EPHB1: variants seen among roughly 807,000 people sequenced by gnomAD.
The protein encoded by EPHB1 is EPH receptor B1.
A neutral mutation model predicts 94.4 loss-of-function variants in EPHB1; 30 were observed. The ratio of observed to expected loss-of-function variants is 0.32; its 90% CI spans 0.24 to 0.43. The LOEUF is 0.43. EPHB1 is among the 20% of genes least tolerant of loss of function. The pLI is 1.00. For missense variants in EPHB1, 1,055 were observed against 1,308.3 expected, an observed-to-expected ratio of 0.81 and a Z score of 2.99; for synonymous variants, 522 against 489.1, an observed-to-expected ratio of 1.07 and a Z score of -0.89.
chr3:135,119,317 G>T (rs888652911), intron 4 of EPHB1, among the ~76,000 whole-genome samples: 1 of 152,050 alleles, frequency 6.6e-6, no homozygotes, highest in Non-Finnish European at 1.5e-5. Context: ...TTAAATTTTT[G>T]AACTCAAATC....
intron 12 of EPHB1, among the ~76,000 whole-genome samples, chr3:135,213,894 AGCCTTCT>A (rs1943084102): frequency 6.6e-6 from 1 of 152,174 alleles, no homozygotes; most frequent in South Asian, 2.1e-4. Context: ...GCTTTGCTCG[AGCCTTCT>A]GCACAGCCGT....
chr3:134,970,457 C>T (rs1933925105), intron 3 of EPHB1, among the ~76,000 whole-genome samples: 1 of 152,178 alleles, frequency 6.6e-6, no homozygotes. Context: ...CCTTCAACAG[C>T]CTCCCATCTC....
At chr3:134,985,193 T>C (rs1053926940) in intron 3 of EPHB1, among the ~76,000 whole-genome samples, 22 of 152,144 alleles carry the variant, frequency 1.4e-4, no homozygotes, top group African/African-American at 5.3e-4. Flanking sequence ...CTGGCTCTGT[T>C]GCCCAGGCTG....
chr3:135,105,797 C>G (rs993462595), intron 3 of EPHB1, among the ~76,000 whole-genome samples: 1 of 152,186 alleles, frequency 6.6e-6, no homozygotes, highest in African/African-American at 2.4e-5. Context: ...TTCCTTGCCC[C>G]ACCCCCGGAA....
intron 3 of EPHB1, among the ~76,000 whole-genome samples, chr3:135,060,253 A>G (rs903440801): frequency 6.6e-6 from 1 of 152,202 alleles, no homozygotes; most frequent in African/African-American, 2.4e-5. Flanking sequence ...TACTCTGGAC[A>G]TTTTATATAA....
chr3:135,018,707 T>A (rs2107753034), intron 3 of EPHB1, among the ~76,000 whole-genome samples: 1 of 152,304 alleles, frequency 6.6e-6, no homozygotes, highest in East Asian at 1.9e-4. Flanking sequence ...GATAGACCCA[T>A]CTGTGAGCCT....
In EPHB1 at chr3:134,798,372, G is replaced by A. The variant is rs568243781; in HGVS notation, c.58+2683G>A. ...ACAGGGTCTGGTTGTTGGCCAGAGG[G>A]GCAGAGGAGGGGAGGGGAGGGGGCT... On this transcript the variant is annotated intron_variant, in intron 1 of 15. Coordinates refer to ENST00000398015, the MANE Select transcript of EPHB1 (RefSeq NM_004441.5). 6.0e-4 allele frequency among the ~76,000 whole-genome samples: 92 copies of A among 152,308 alleles called. 1 individual carries two copies. Among genetic ancestry groups the A allele is most frequent in the South Asian group, 1.9e-3 (9 of 4,822 alleles).
chr3:135,107,936 T>C (rs550138060), intron 4 of EPHB1, among the ~76,000 whole-genome samples: 1 of 152,318 alleles, frequency 6.6e-6, no homozygotes, highest in African/African-American at 2.4e-5. Flanking sequence ...TCCACTGATT[T>C]CTGAGGTTGC....
At chr3:135,138,964 G>A (rs1345968848) in intron 5 of EPHB1, among the ~76,000 whole-genome samples, 4 of 152,182 alleles carry the variant, frequency 2.6e-5, no homozygotes, top group Non-Finnish European at 5.9e-5. Flanking sequence ...CCAATGTCCT[G>A]GCTTCTATCC....
intron 3 of EPHB1, among the ~76,000 whole-genome samples, chr3:135,075,531 A>T (rs539949407): frequency 1.3e-5 from 2 of 152,150 alleles, no homozygotes; most frequent in South Asian, 2.1e-4. Flanking sequence ...AGATGATGAA[A>T]TGTCTCTTTC....
chr3:135,179,962 T>C lies in EPHB1; in HGVS notation c.1862T>C (p.Ile621Thr), dbSNP rs1439136034. ...AKEIDVSFVK[I>T]EEVIGAGEFG... ...GAGATTGATGTATCTTTTGTGAAAA[T>C]TGAAGAGGTCATCGGAGCAGGTATG... Residue 621 changes from isoleucine (I) to threonine (T), a missense_variant, in exon 10 of 16, where the codon ATT becomes ACT. Transcript: ENST00000398015. 1.2e-6 allele frequency: 2 copies of C among 1,613,900 alleles called. No homozygotes were observed. The highest frequency in any genetic ancestry group is 1.1e-5 in the South Asian group (1 of 91,076).
At chr3:134,959,966 CTTTTTTT>C (rs61369813) in intron 3 of EPHB1, among the ~76,000 whole-genome samples, 2 of 107,376 alleles carry the variant, frequency 1.9e-5, no homozygotes, top group Non-Finnish European at 3.8e-5. Context: ...ACATCTGCAC[CTTTTTTT>C]TTTTTTTTTT....
At chr3:135,122,055 T>C (rs1488053794) in intron 4 of EPHB1, among the ~76,000 whole-genome samples, 1 of 152,206 alleles carries the variant, frequency 6.6e-6, no homozygotes, top group African/African-American at 2.4e-5. Flanking sequence ...AGATCTCCAC[T>C]AGCTTTGTCA....
chr3:135,096,816 G>A (rs1012942016), intron 3 of EPHB1, among the ~76,000 whole-genome samples: 8 of 152,226 alleles, frequency 5.3e-5, no homozygotes, highest in African/African-American at 1.7e-4. Context: ...TCATATTCGG[G>A]GCCAGGCACA....
chr3:135,058,177 C>T (rs907834905), intron 3 of EPHB1, among the ~76,000 whole-genome samples: 1 of 152,206 alleles, frequency 6.6e-6, no homozygotes, highest in African/African-American at 2.4e-5. Flanking sequence ...CCATGAGCTT[C>T]TGGGTTTGGG....
intron 3 of EPHB1, among the ~76,000 whole-genome samples, chr3:134,998,677 C>A (rs1338691390): frequency 6.6e-6 from 1 of 152,172 alleles, no homozygotes; most frequent in Admixed American, 6.5e-5. Flanking sequence ...GAGCTAGAAA[C>A]TTCTTAATAT....
chr3:135,039,293 A>G (rs573419684), intron 3 of EPHB1, among the ~76,000 whole-genome samples: 24 of 152,212 alleles, frequency 1.6e-4, no homozygotes, highest in African/African-American at 4.6e-4. Flanking sequence ...TGATTGGTGT[A>G]TTTACAATCC....
intron 1 of EPHB1, among the ~76,000 whole-genome samples, chr3:134,866,148 C>A (rs2037372819): frequency 1.3e-5 from 2 of 152,196 alleles, no homozygotes; most frequent in Admixed American, 1.3e-4. Context: ...GAAGGTCAGC[C>A]TTGGACAGTG....
chr3:135,205,524 T>G (rs1942878362), intron 12 of EPHB1, among the ~76,000 whole-genome samples: 1 of 152,228 alleles, frequency 6.6e-6, no homozygotes, highest in African/African-American at 2.4e-5. Context: ...AAATATTTCC[T>G]GGTTTCCTGG....
Sources: gnomAD v4.1 joint callset for allele counts (sites outside exome capture counted in the v4.1 genomes callset) on GRCh38, gnomAD v4.1.1 for gene constraint, MANE v1.5 for transcripts, NCBI Gene and HGNC (gene_info 2026-07-23, HGNC 2026-07-21) for gene names.